PSME1: variants seen among roughly 807,000 people sequenced by gnomAD.
PSME1 encodes proteasome activator complex subunit 1.
Under a neutral mutation model 38.4 loss-of-function variants are expected in PSME1, and 15 were observed. That is an observed-to-expected ratio of 0.39 (90% CI 0.26 to 0.60). The LOEUF (loss-of-function observed/expected upper bound fraction) is 0.60, where lower values mean the gene tolerates loss of function less well. Among genes scored for constraint, PSME1 ranks in the 20% least tolerant of loss-of-function variants. The probability of loss-of-function intolerance (pLI) is 0.53; values close to 1 mark genes in which losing one functional copy is unlikely to be tolerated. For missense variants in PSME1, 249 were observed against 305.6 expected (o/e 0.81, Z 1.38); for synonymous variants, 106 against 106.8 (o/e 0.99, Z 0.05).
Position 24,136,968 on chromosome 14 carries a change from A to T in PSME1, c.40-17A>T. ...GCCTTAAAGCCAAGTTTCTGAAGGG[A>T]TGCGTGTGCCCCACAGGTGGATGTG... On this transcript the variant is annotated splice_polypyrimidine_tract_variant and intron_variant, in intron 1 of 10. Transcript: ENST00000206451. The surrounding 1 kb of genome is among the most constrained non-coding windows in gnomAD (Gnocchi z 4.8). 8 of 1,614,144 alleles carry T rather than the reference A, an allele frequency of 5.0e-6. No homozygotes were observed. The highest frequency in any genetic ancestry group is 6.8e-6 in the Non-Finnish European group (8 of 1,180,034).
Position 24,136,897 on chromosome 14 carries a change from G to A in PSME1, c.40-88G>A. 6.5e-7 allele frequency: 1 copy of A among 1,529,480 alleles called. No individual in the cohort carries two copies. 94.7% of individuals were successfully genotyped at this position (1,529,480 alleles called of 1,614,324 possible). A position where few individuals can be genotyped will look rare whatever the true frequency, so the allele number is the denominator to read the frequency against. On this transcript the variant is annotated intron_variant, in intron 1 of 10. Transcript: ENST00000206451. This position sits in a 1 kb window ranked among gnomAD's most constrained non-coding sequence, Gnocchi z 4.8. ...GAGGGATCCCCTCCACCCTTCCCCA[G>A]GTCAGGCCCTACATAACCCTAAGGG...
Position 24,137,363 on chromosome 14 carries a change from C to T in PSME1, c.178C>T (p.Pro60Ser), listed in dbSNP as rs766671793. 5.0e-6 allele frequency: 8 copies of T among 1,614,070 alleles called. No individual in the cohort carries two copies. The highest frequency in any genetic ancestry group is 1.6e-4 in the Middle Eastern group (1 of 6,062). The change falls in exon 4 of 11, where the codon CCA becomes TCA. Residue 60 changes from proline (P) to serine (S), a missense_variant. Transcript: ENST00000206451. ...NEANLSNLKA[P>S]LDIPVPDPVK... ...AGCCAACTTGAGCAATCTGAAGGCC[C>T]CATTGGACATCCCAGTGCCTGATCC... is the stretch of plus-strand genomic sequence containing the variant.
chr14:24,137,993 GA>G, intron 6 of PSME1, 55 bp from the exon 7 acceptor site: 1 of 1,595,834 alleles, frequency 6.3e-7, no homozygotes, highest in African/African-American at 1.3e-5. Flanking sequence ...GGGAGAATAT[GA>G]AACTGGGAAT....
rs900383003 is a variant in PSME1, at chr14:24,136,731, A to G, written c.40-254A>G. Among the ~76,000 whole-genome samples, 7 of 151,134 alleles carry G rather than the reference A, an allele frequency of 4.6e-5. No homozygotes were observed. The East Asian group carries it at 1.4e-3, about 30-fold the overall frequency. On this transcript the variant is annotated intron_variant, in intron 1 of 10. Coordinates refer to ENST00000206451, the MANE Select transcript of PSME1 (RefSeq NM_006263.4). This position sits in a 1 kb window ranked among gnomAD's most constrained non-coding sequence, Gnocchi z 4.8. ...ACGTGAACACTGGCCCTTCACCGCCAGGAATGTTCTCATCCCCCATATCCA... is the reference window on the plus strand; with the variant it reads ...ACGTGAACACTGGCCCTTCACCGCCGGGAATGTTCTCATCCCCCATATCCA...
Position 24,136,259 on chromosome 14 carries a change from G to C in PSME1, c.-4G>C. 1 of 1,527,218 alleles carries C rather than the reference G, an allele frequency of 6.5e-7. No individual in the cohort carries two copies. The highest frequency in any genetic ancestry group is 8.8e-7 in the Non-Finnish European group (1 of 1,138,124). 94.6% of individuals were successfully genotyped at this position (1,527,218 alleles called of 1,614,324 possible). On this transcript the variant is annotated 5_prime_UTR_variant, in exon 1 of 11. Transcript: ENST00000206451. This position sits in a 1 kb window ranked among gnomAD's most constrained non-coding sequence, Gnocchi z 4.8. ...TGTGCGGCGCTAGGCCCCCCGTCCC[G>C]GTCATGGCCATGCTCAGGGTCCAGC...
rs148386267 is a variant in PSME1, at chr14:24,136,972, G to A, written c.40-13G>A. The A allele has an allele frequency of 2.0e-4, 321 of 1,614,116 alleles. 3 individuals carry two copies. In the East Asian group the frequency reaches 5.7e-3, roughly 29 times the overall value. On this transcript the variant is annotated splice_polypyrimidine_tract_variant and intron_variant, in intron 1 of 10. Transcript: ENST00000206451. This position sits in a 1 kb window ranked among gnomAD's most constrained non-coding sequence, Gnocchi z 4.8. ...TAAAGCCAAGTTTCTGAAGGGATGC[G>A]TGTGCCCCACAGGTGGATGTGTTTC...
Position 24,138,241 on chromosome 14 carries a change from G to A in PSME1, c.505G>A (p.Gly169Ser). ...LMTSLHTKLE[G>S]FHTQISKYFS... ...GACCAGCCTCCACACCAAGCTAGAA[G>A]GCTTCCACACTCAAATCTCTAAGTG... Residue 169 changes from glycine (G) to serine (S), a missense_variant, in exon 8 of 11, where the codon GGC (glycine) becomes AGC (serine). Transcript: ENST00000206451. 3.7e-6 allele frequency: 6 copies of A among 1,614,242 alleles called. No homozygotes were observed. The highest frequency in any genetic ancestry group is 5.1e-6 in the Non-Finnish European group (6 of 1,180,042).
Position 24,138,539 on chromosome 14 carries a change from C to T in PSME1, c.648C>T (p.Val216=), listed in dbSNP as rs1462996713. The T allele has an allele frequency of 6.2e-7, 1 of 1,614,088 alleles. No individual in the cohort carries two copies. The highest frequency in any genetic ancestry group is 2.2e-5 in the East Asian group (1 of 44,878). ...EAEYRDIRLM[V]MEIRNAYAVL... ...AGTACCGGGACATCCGGCTGATGGT[C>T]ATGGAGATCCGCAATGCTTATGTGA... Residue 216 remains valine, a synonymous_variant, in exon 10 of 11, where the codon GTC becomes GTT. Transcript: ENST00000206451.
chr14:24,137,456 G>A (rs2037927060), intron 4 of PSME1, 25 bp downstream of exon 4: 1 of 1,614,052 alleles, frequency 6.2e-7, no homozygotes, highest in South Asian at 1.1e-5. Context: ...CCTGGGAGAA[G>A]GGATCCAACT....
At position 24,138,901 on chromosome 14, in the gene PSME1, T is replaced by G; in HGVS notation, c.*85T>G. 1 of 1,592,152 alleles carries G rather than the reference T, an allele frequency of 6.3e-7. No individual in the cohort carries two copies. On this transcript the variant is annotated 3_prime_UTR_variant, in exon 11 of 11. Transcript: ENST00000206451. ...ACTCCAGATTTTCCCCAAACTTGCT[T>G]CTGTTGAGATTTTTCCCTCACCTTG...
intron 6 of PSME1, 103 bp from the exon 7 acceptor site, chr14:24,137,946 C>G (rs907708592): frequency 1.3e-6 from 2 of 1,508,576 alleles, no homozygotes; most frequent in African/African-American, 1.4e-5. Flanking sequence ...TCAGGATAGA[C>G]CCGGCACGCC....
intron 6 of PSME1, 55 bp from the exon 7 acceptor site, chr14:24,137,994 A>C (rs2037942163): frequency 5.0e-6 from 8 of 1,597,406 alleles, no homozygotes; most frequent in Non-Finnish European, 6.9e-6. Context: ...GGAGAATATG[A>C]AACTGGGAAT....
chr14:24,138,540 A>G lies in PSME1; in HGVS notation c.649A>G (p.Met217Val), dbSNP rs144155948. The G allele has an allele frequency of 2.1e-5, 34 of 1,614,006 alleles. No individual in the cohort carries two copies. Among genetic ancestry groups the G allele is most frequent in the Admixed American group, 2.0e-4 (12 of 59,994 alleles). Residue 217 changes from methionine to valine, a missense_variant, in exon 10 of 11, where the codon ATG becomes GTG. Physicochemically the swap from Met to Val is conservative, Grantham distance 21. Coordinates refer to ENST00000206451, the MANE Select transcript of PSME1 (RefSeq NM_006263.4). ...AEYRDIRLMVMEIRNAYAVLY... is the reference protein window; with the variant it reads ...AEYRDIRLMVVEIRNAYAVLY... Reference sequence around the variant, plus strand: ...GTACCGGGACATCCGGCTGATGGTCATGGAGATCCGCAATGCTTATGTGAG... The same window carrying G: ...GTACCGGGACATCCGGCTGATGGTCGTGGAGATCCGCAATGCTTATGTGAG...
intron 2 of PSME1, 34 bp downstream of exon 2, chr14:24,137,051 T>C: frequency 6.2e-7 from 1 of 1,614,136 alleles, no homozygotes; most frequent in Non-Finnish European, 8.5e-7. Flanking sequence ...GCCCCACCCC[T>C]GCCCAACTCC....
Position 24,137,764 on chromosome 14 carries a change from T to C in PSME1, c.357T>C (p.Pro119=), listed in dbSNP as rs1594355919. ...KIVVLLQRLK[P]EIKDVIEQLN... is the part of the protein sequence containing the mutation. ...TGGTCCTTCTGCAGCGCTTGAAGCC[T>C]GAGATCAAGGATGTCATTGAGCAGC... Residue 119 remains proline, a synonymous_variant, in exon 6 of 11, where the codon CCT becomes CCC. Coordinates refer to ENST00000206451, the MANE Select transcript of PSME1 (RefSeq NM_006263.4). 1 of 1,614,210 alleles carries C rather than the reference T, an allele frequency of 6.2e-7. No homozygotes were observed. The highest frequency in any genetic ancestry group is 1.7e-5 in the Admixed American group (1 of 60,030).
chr14:24,138,906 T>C lies in PSME1; in HGVS notation c.*90T>C. ...AGATTTTCCCCAAACTTGCTTCTGTTGAGATTTTTCCCTCACCTTGCCTCT... is the reference window on the plus strand; with the variant it reads ...AGATTTTCCCCAAACTTGCTTCTGTCGAGATTTTTCCCTCACCTTGCCTCT... On this transcript the variant is annotated 3_prime_UTR_variant, in exon 11 of 11. Coordinates refer to ENST00000206451, the MANE Select transcript of PSME1 (RefSeq NM_006263.4). 1 of 1,591,110 alleles carries C rather than the reference T, an allele frequency of 6.3e-7. No individual in the cohort carries two copies.
Position 24,137,385 on chromosome 14 carries a change from A to T in PSME1, c.200A>T (p.Asp67Val), listed in dbSNP as rs1327881755. The T allele has an allele frequency of 6.2e-7, 1 of 1,614,134 alleles. No individual in the cohort carries two copies. Residue 67 changes from aspartate to valine, a missense_variant, in exon 4 of 11, where the codon GAT (aspartate) becomes GTT (valine). Asp to Val is a radical substitution (Grantham distance 152). Transcript: ENST00000206451. ...LKAPLDIPVP[D>V]PVKEKEKEER... ...GCCCCATTGGACATCCCAGTGCCTG[A>T]TCCAGTCAAGGAGAAAGAGAAAGAG... is the stretch of plus-strand genomic sequence containing the variant.
In PSME1 at chr14:24,136,377, C is replaced by A; in HGVS notation, c.39+76C>A. On this transcript the variant is annotated intron_variant, in intron 1 of 10. Coordinates refer to ENST00000206451, the MANE Select transcript of PSME1 (RefSeq NM_006263.4). The surrounding 1 kb of genome is among the most constrained non-coding windows in gnomAD (Gnocchi z 4.8). ...CGGCCGGGGGCATCCCCGACCCGCC[C>A]CCCAGGCTCCCACGCGAGTCGGGGG... The A allele has an allele frequency of 7.3e-7, 1 of 1,373,660 alleles. No homozygotes were observed. Among genetic ancestry groups the A allele is most frequent in the Non-Finnish European group, 9.6e-7 (1 of 1,041,824 alleles). The allele number at this position is 1,373,660 out of a possible 1,614,324, so 85.1% of individuals were successfully genotyped here. A position where few individuals can be genotyped will look rare whatever the true frequency, so the allele number is the denominator to read the frequency against.
chr14:24,138,664 C>T, intron 10 of PSME1, 72 bp from the exon 11 acceptor site: 1 of 1,613,492 alleles, frequency 6.2e-7, no homozygotes. Context: ...AGCTCAGCTT[C>T]TCCACAAGGC....
Sources: allele counts gnomAD v4.1 joint callset (sites outside exome capture counted in the v4.1 genomes callset), GRCh38; gene constraint gnomAD v4.1.1; non-coding constraint Gnocchi (gnomAD v3.1); transcripts MANE v1.5; gene names NCBI Gene and HGNC (gene_info 2026-07-23, HGNC 2026-07-21).